The following C1orf198 variants were observed in gnomAD, a reference collection of about 807,000 sequenced individuals.
C1orf198 encodes chromosome 1 open reading frame 198.
In C1orf198, 17 loss-of-function variants were observed where a neutral mutation model predicts 31.4. That is an observed-to-expected ratio of 0.54 (90% CI 0.37 to 0.81). C1orf198 has a LOEUF of 0.81. Among genes scored for constraint, C1orf198 ranks in the 40% least tolerant of loss-of-function variants. The pLI is 0.00. For missense variants in C1orf198, 401 were observed against 450.3 expected, an observed-to-expected ratio of 0.89 and a Z score of 0.99; for synonymous variants, 175 against 193.8, an observed-to-expected ratio of 0.90 and a Z score of 0.81.
At chr1:230,851,074 AGAG>A (rs146857748) in intron 2 of C1orf198, among the ~76,000 whole-genome samples, 5,252 of 152,206 alleles carry the variant, frequency 0.035, 291 homozygotes, top group African/African-American at 0.12. Context: ...GGCACAGCAC[AGAG>A]GAAGGGCCTG....
chr1:230,843,786 G>C lies in C1orf198; in HGVS notation c.495C>G (p.Leu165=). 1 of 1,608,836 alleles carries C rather than the reference G, an allele frequency of 6.2e-7. No homozygotes were observed. The highest frequency in any genetic ancestry group is 8.5e-7 in the Non-Finnish European group (1 of 1,177,022). The change falls in exon 3 of 4, where the codon CTC becomes CTG. Residue 165 remains leucine, a synonymous_variant. Transcript: ENST00000366663. This position sits in a 1 kb window ranked among gnomAD's most constrained non-coding sequence, Gnocchi z 4.9. ...AGGACCTGCTGCCTTGGGAGGACTT[G>C]AGGGCCTGGGAGCCCTGGGAAGCTT... is the stretch of plus-strand genomic sequence containing the variant. ...LSKASQGSQA[L]KSSQGSRSSS...
chr1:230,856,566 GTTTGT>G (rs1242501369), intron 1 of C1orf198, among the ~76,000 whole-genome samples: 2 of 152,114 alleles, frequency 1.3e-5, no homozygotes, highest in African/African-American at 4.8e-5. Flanking sequence ...TTGTTTGTTG[GTTTGT>G]TTTAAGAGAT....
At chr1:230,854,130 C>T (rs1178662586) in intron 2 of C1orf198, among the ~76,000 whole-genome samples, 6 of 152,200 alleles carry the variant, frequency 3.9e-5, no homozygotes, top group Admixed American at 3.9e-4. Flanking sequence ...GACACTTTAA[C>T]TATTTTTTAC....
chr1:230,846,658 T>C (rs1029017580), intron 2 of C1orf198, among the ~76,000 whole-genome samples: 11 of 152,188 alleles, frequency 7.2e-5, no homozygotes, highest in Non-Finnish European at 1.5e-4. Context: ...TGAAGCTCAG[T>C]GTTACAGGAA....
At chr1:230,841,838 C>T (rs1669450863) in intron 3 of C1orf198, among the ~76,000 whole-genome samples, 1 of 152,210 alleles carries the variant, frequency 6.6e-6, no homozygotes. Flanking sequence ...TACACGTTCA[C>T]AGCAGCACTA....
At chr1:230,841,456 C>T (rs1669439515) in intron 3 of C1orf198, among the ~76,000 whole-genome samples, 1 of 151,992 alleles carries the variant, frequency 6.6e-6, no homozygotes, top group African/African-American at 2.4e-5. Flanking sequence ...ACAAAATAAC[C>T]AAAAATTTAA....
chr1:230,850,103 T>C (rs1030990077), intron 2 of C1orf198, among the ~76,000 whole-genome samples: 1 of 152,190 alleles, frequency 6.6e-6, no homozygotes, highest in African/African-American at 2.4e-5. Flanking sequence ...CAAATAATTG[T>C]GTCTGCCATT....
intron 2 of C1orf198, among the ~76,000 whole-genome samples, chr1:230,851,404 G>A (rs1040739261): frequency 6.6e-6 from 1 of 152,164 alleles, no homozygotes; most frequent in African/African-American, 2.4e-5. Flanking sequence ...TTGAAGCAGG[G>A]CCTGACCTGC....
intron 2 of C1orf198, among the ~76,000 whole-genome samples, chr1:230,852,495 T>C (rs953874962): frequency 2.0e-5 from 3 of 152,196 alleles, no homozygotes; most frequent in Non-Finnish European, 4.4e-5. Flanking sequence ...CATTCCACAA[T>C]GTACACACGT....
At chr1:230,850,544 T>G (rs770974554) in intron 2 of C1orf198, among the ~76,000 whole-genome samples, 1 of 152,090 alleles carries the variant, frequency 6.6e-6, no homozygotes, top group African/African-American at 2.4e-5. Context: ...GCCTGTGGGA[T>G]GGCAGTGCAG....
rs181960489 is a variant in C1orf198, at chr1:230,867,168, C to T, written c.333+1012G>A. ...AGCCTTAACAGCGAGCGATTTCATT[C>T]CTACACTCTTTGCTCAGCTTGACTT... On this transcript the variant is annotated intron_variant, in intron 1 of 3. Transcript: ENST00000366663. Among the ~76,000 whole-genome samples the T allele has an allele frequency of 2.2e-4, 33 of 152,298 alleles. 1 individual carries two copies. Among genetic ancestry groups the T allele is most frequent in the Admixed American group, 2.1e-3 (32 of 15,294 alleles).
At chr1:230,865,558 C>T (rs767405310) in intron 1 of C1orf198, among the ~76,000 whole-genome samples, 2 of 152,196 alleles carry the variant, frequency 1.3e-5, no homozygotes, top group Admixed American at 6.5e-5. Flanking sequence ...GGTCCCTTCA[C>T]GGCTTCAATA....
intron 2 of C1orf198, among the ~76,000 whole-genome samples, chr1:230,845,267 C>T (rs1669557582): frequency 6.7e-6 from 1 of 150,180 alleles, no homozygotes; most frequent in South Asian, 2.1e-4. Context: ...CTGTGGTCCC[C>T]AGCTACTCAA....
chr1:230,851,132 G>T (rs746738752), intron 2 of C1orf198, among the ~76,000 whole-genome samples: 6 of 152,116 alleles, frequency 3.9e-5, no homozygotes, highest in Admixed American at 1.3e-4. Flanking sequence ...CGTCTGGAAG[G>T]CTTCCCTACT....
At chr1:230,864,850 A>G (rs1178893290) in intron 1 of C1orf198, among the ~76,000 whole-genome samples, 1 of 152,172 alleles carries the variant, frequency 6.6e-6, no homozygotes, top group Non-Finnish European at 1.5e-5. Flanking sequence ...GGAGGAACAC[A>G]TTCCTAACAA....
intron 2 of C1orf198, among the ~76,000 whole-genome samples, chr1:230,851,039 A>G (rs1107637): frequency 0.25 from 38,379 of 151,852 alleles, 5,475 homozygotes; most frequent in Middle Eastern, 0.44. Flanking sequence ...GAAAGAATTC[A>G]GAGTACACAC....
intron 1 of C1orf198, among the ~76,000 whole-genome samples, chr1:230,861,060 A>C (rs1177974241): frequency 6.6e-6 from 1 of 152,196 alleles, no homozygotes; most frequent in Admixed American, 6.5e-5. Flanking sequence ...TGGCTGCCAG[A>C]GCCTGGGGGG....
At chr1:230,855,637 A>AT in intron 2 of C1orf198, 31 bp downstream of exon 2, 1 of 1,604,302 alleles carries the variant, frequency 6.2e-7, no homozygotes, top group Non-Finnish European at 8.5e-7. Context: ...TTTTTAAAAG[A>AT]ACAAATAGAT....
In C1orf198 at chr1:230,860,204, A is replaced by T. The variant is rs1669976587; in HGVS notation, c.334-4486T>A. ...AAGGATGGCTACTATCAAAAAGCAG[A>T]TACTGGCAAGTATTGGTAGGATGTG... On this transcript the variant is annotated intron_variant, in intron 1 of 3. Coordinates refer to ENST00000366663, the MANE Select transcript of C1orf198 (RefSeq NM_032800.3). Among the ~76,000 whole-genome samples the T allele has an allele frequency of 5.3e-5, 8 of 152,212 alleles. 1 individual carries two copies. The highest frequency in any genetic ancestry group is 4.6e-4 in the Admixed American group (7 of 15,290).
Sources: gnomAD v4.1 joint callset for allele counts (sites outside exome capture counted in the v4.1 genomes callset) on GRCh38, gnomAD v4.1.1 for gene constraint, Gnocchi (gnomAD v3.1) non-coding constraint, MANE v1.5 for transcripts, NCBI Gene and HGNC (gene_info 2026-07-23, HGNC 2026-07-21) for gene names.